CD163L1: variants seen among roughly 807,000 people sequenced by gnomAD.
CD163L1 encodes the protein scavenger receptor cysteine-rich type 1 protein M160.
In CD163L1, 124 loss-of-function variants were observed where a neutral mutation model predicts 165.4. The ratio of observed to expected loss-of-function variants is 0.75; its 90% CI spans 0.65 to 0.87. CD163L1 has a LOEUF of 0.87. Ranked by LOEUF, CD163L1 falls within the 40% of genes least tolerant of loss-of-function variation. The pLI, the probability that CD163L1 is intolerant of heterozygous loss-of-function variation, is 0.00. For synonymous variants in CD163L1, 585 were observed against 662.2 expected (o/e 0.88, Z 1.79); for missense variants, 1,525 against 1,799.9 (o/e 0.85, Z 2.76).
In CD163L1 at chr12:7,379,166, C is replaced by A. The variant is rs202152634; in HGVS notation, c.2183G>T (p.Cys728Phe). The A allele has an allele frequency of 6.2e-7, 1 of 1,613,998 alleles. No homozygotes were observed. Among genetic ancestry groups the A allele is most frequent in the African/African-American group, 1.3e-5 (1 of 74,886 alleles). ...TGCAGACCCACATTCAAGTTGCCTG[C>A]AAACAACTTCAGCAATGTTCATTCC... Reference protein sequence around the residue: ...GWGMNIAEVVCRQLECGSAIR... With the variant: ...GWGMNIAEVVFRQLECGSAIR... The change falls in exon 9 of 20, where the codon TGC becomes TTC. Residue 728 changes from cysteine to phenylalanine, a missense_variant. Physicochemically the swap from Cys to Phe is radical, Grantham distance 205. Transcript: ENST00000313599.
chr12:7,343,146 G>A (rs1946648568), downstream of CD163L1, among the ~76,000 whole-genome samples: 1 of 152,198 alleles, frequency 6.6e-6, no homozygotes, highest in African/African-American at 2.4e-5. Flanking sequence ...AAAGAAAGAG[G>A]AGGAGAGAAA....
intron 1 of CD163L1, 102 bp downstream of exon 1, chr12:7,443,995 T>C: frequency 8.7e-7 from 1 of 1,155,964 alleles, no homozygotes; most frequent in Non-Finnish European, 1.2e-6. Flanking sequence ...CTGTTTTCTT[T>C]TTACCTTACT....
In CD163L1 at chr12:7,432,740, C is replaced by G. The variant is rs200949192; in HGVS notation, c.446-4G>C. The G allele has an allele frequency of 6.3e-7, 1 of 1,586,190 alleles. No homozygotes were observed. The highest frequency in any genetic ancestry group is 8.6e-7 in the Non-Finnish European group (1 of 1,166,838). Reference sequence around the variant, plus strand: ...CTCAAACCCAGATTGGCTTCACCTACGAGAAAGACAAGCAGACATATGAAA... The same window carrying G: ...CTCAAACCCAGATTGGCTTCACCTAGGAGAAAGACAAGCAGACATATGAAA... On this transcript the variant is annotated splice_region_variant and splice_polypyrimidine_tract_variant and intron_variant, in intron 3 of 19. Coordinates refer to ENST00000313599, the MANE Select transcript of CD163L1 (RefSeq NM_174941.6). The surrounding 1 kb of genome is among the most constrained non-coding windows in gnomAD (Gnocchi z 4.2).
At chr12:7,343,586 G>C (rs1463498659), downstream of CD163L1, among the ~76,000 whole-genome samples, 1 of 152,116 alleles carries the variant, frequency 6.6e-6, no homozygotes, top group Non-Finnish European at 1.5e-5. Context: ...AGAGAGAGCA[G>C]GGAGGTGCCA....
intron 14 of CD163L1, among the ~76,000 whole-genome samples, chr12:7,371,400 A>G (rs1947143608): frequency 6.6e-6 from 1 of 152,182 alleles, no homozygotes; most frequent in African/African-American, 2.4e-5. Flanking sequence ...TCCATATACT[A>G]TTAAAGATCA....
At chr12:7,323,426 T>A in the CD163L1 span, 6 of 1,609,578 alleles carry the variant, frequency 3.7e-6, no homozygotes, top group Admixed American at 3.3e-5. Context: ...GAAAAGAAAA[T>A]TTTAAGACCA....
In CD163L1 at chr12:7,398,199, G is replaced by A. The variant is rs1947818070; in HGVS notation, c.1729+65C>T. 6.8e-7 allele frequency: 1 copy of A among 1,465,848 alleles called. No homozygotes were observed. Among genetic ancestry groups the A allele is most frequent in the Non-Finnish European group, 9.3e-7 (1 of 1,073,158 alleles). The allele number at this position is 1,465,848 out of a possible 1,614,324, so 90.8% of individuals were successfully genotyped here. A position where few individuals can be genotyped will look rare whatever the true frequency, so the allele number is the denominator to read the frequency against. On this transcript the variant is annotated intron_variant, in intron 7 of 19. Coordinates refer to ENST00000313599, the MANE Select transcript of CD163L1 (RefSeq NM_174941.6). This position sits in a 1 kb window ranked among gnomAD's most constrained non-coding sequence, Gnocchi z 4.5. ...ACATGTAAGCCAGTTTATAGACCCA[G>A]AAGCCCTTCCTATGAGGAATACTAT...
rs1371012919 is a variant in CD163L1 at position 7,376,014 on chromosome 12, G to T, written c.2372C>A (p.Ala791Asp). The T allele has an allele frequency of 6.2e-7, 1 of 1,609,850 alleles. No homozygotes were observed. Among genetic ancestry groups the T allele is most frequent in the Non-Finnish European group, 8.5e-7 (1 of 1,178,192 alleles). The change falls in exon 10 of 20, where the codon GCC (alanine) becomes GAC (aspartate). Residue 791 changes from alanine (A) to aspartate (D), a missense_variant and splice_region_variant. Transcript: ENST00000313599. ...TCCAACCAGCCTGGGCTGCCTGTGG[G>T]CTATAAAATAATATTTCAAAGGTTA... ...LNMEASLICS[A>D]HRQPRLVGAD...
rs1160914279 is a variant in CD163L1 at position 7,398,094 on chromosome 12, T to C, written c.1729+170A>G. ...TTGTCTACTAATTTCTTACTTTACC[T>C]GTATAAGTGGAAGAGTTCCAGGTGA... On this transcript the variant is annotated intron_variant, in intron 7 of 19. Coordinates refer to ENST00000313599, the MANE Select transcript of CD163L1 (RefSeq NM_174941.6). The surrounding 1 kb of genome is among the most constrained non-coding windows in gnomAD (Gnocchi z 4.5). 6.6e-6 allele frequency among the ~76,000 whole-genome samples: 1 copy of C among 152,210 alleles called. No individual in the cohort carries two copies. Among genetic ancestry groups the C allele is most frequent in the Non-Finnish European group, 1.5e-5 (1 of 68,036 alleles).
At chr12:7,360,683 A>G (rs147871686) in intron 18 of CD163L1, among the ~76,000 whole-genome samples, 3 of 152,164 alleles carry the variant, frequency 2.0e-5, no homozygotes, top group African/African-American at 7.2e-5. Context: ...AGATTTCTCC[A>G]TTAGTTTCTG....
Position 7,369,470 on chromosome 12 carries a change from C to A in CD163L1, c.3926G>T (p.Trp1309Leu). 6.2e-7 allele frequency: 1 copy of A among 1,614,186 alleles called. No individual in the cohort carries two copies. Among genetic ancestry groups the A allele is most frequent in the Non-Finnish European group, 8.5e-7 (1 of 1,180,042 alleles). ...TCCTTTGCACCGCATGTCATCCAAC[C>A]AGATGGTTCCAGTTCCCTGGCCAAA... ...ASFGQGTGTIWLDDMRCKGNE... is the reference protein window; with the variant it reads ...ASFGQGTGTILLDDMRCKGNE... The change falls in exon 15 of 20, where the codon TGG becomes TTG. Residue 1309 changes from tryptophan (W) to leucine (L), a missense_variant. By Grantham distance (61) the Trp-to-Leu change is moderately conservative. Transcript: ENST00000313599. This position sits in a 1 kb window ranked among gnomAD's most constrained non-coding sequence, Gnocchi z 4.9.
chr12:7,320,630 T>G, the CD163L1 span: 1 of 1,028,566 alleles, frequency 9.7e-7, no homozygotes, highest in Non-Finnish European at 1.5e-6. Context: ...GATGGGCACA[T>G]ATTAATGGAA....
At chr12:7,417,099 T>C (rs1948258163) in intron 4 of CD163L1, among the ~76,000 whole-genome samples, 3 of 152,114 alleles carry the variant, frequency 2.0e-5, no homozygotes, top group Non-Finnish European at 2.9e-5. Context: ...CCTTGAGCAG[T>C]GGTTTGTAGT....
intron 8 of CD163L1, among the ~76,000 whole-genome samples, chr12:7,389,561 A>G (rs1363291458): frequency 6.6e-6 from 1 of 152,094 alleles, no homozygotes; most frequent in Non-Finnish European, 1.5e-5. Context: ...TGAATGTTTA[A>G]AAAAAACAGA....
rs78704183 is a variant in CD163L1 at position 7,434,255 on chromosome 12, T to G, written c.125-561A>C. Among the ~76,000 whole-genome samples, 1,465 of 152,258 alleles carry G rather than the reference T, an allele frequency of 9.6e-3. 27 individuals are homozygous for G. Among genetic ancestry groups the G allele is most frequent in the African/African-American group, 0.033 (1,359 of 41,558 alleles). On this transcript the variant is annotated intron_variant, in intron 2 of 19. Transcript: ENST00000313599. ...AGGAGAAGACCTAGTCGTCCATGAT[T>G]GTAATATGCTAGTCCACCTTCTCTA...
At chr12:7,341,275 G>A in the CD163L1 span, among the ~76,000 whole-genome samples, 1 of 152,108 alleles carries the variant, frequency 6.6e-6, no homozygotes, top group Admixed American at 6.5e-5. Context: ...GACATTTGAC[G>A]ACTTTCAGAG....
rs570961356 is a variant in CD163L1 at position 7,370,866 on chromosome 12, G to A, written c.3731-1201C>T. Among the ~76,000 whole-genome samples the A allele has an allele frequency of 3.4e-4, 52 of 152,262 alleles. 1 individual carries two copies. The Middle Eastern group carries it at 0.02, about 60-fold the overall frequency. On this transcript the variant is annotated intron_variant, in intron 14 of 19. Coordinates refer to ENST00000313599, the MANE Select transcript of CD163L1 (RefSeq NM_174941.6). ...TGGCCTATATAATAATAAATTCAGA[G>A]TATGGTTTTTAATCCTACTTCTTTG...
the CD163L1 span, chr12:7,324,452 C>T: frequency 4.3e-6 from 7 of 1,613,920 alleles, no homozygotes; most frequent in Non-Finnish European, 5.9e-6. Flanking sequence ...GGAGGGAGAT[C>T]TCTAACTTGG....
rs1947831473 is a variant in CD163L1, at chr12:7,398,574, A to C, written c.1419T>G (p.Asp473Glu). 6.4e-7 allele frequency: 1 copy of C among 1,555,694 alleles called. No homozygotes were observed. The highest frequency in any genetic ancestry group is 1.4e-5 in the African/African-American group (1 of 72,608). The change falls in exon 7 of 20, where the codon GAT (aspartate) becomes GAG (glutamate). Residue 473 changes from aspartate (D) to glutamate (E), a missense_variant. Transcript: ENST00000313599. The surrounding 1 kb of genome is among the most constrained non-coding windows in gnomAD (Gnocchi z 4.5). ...GAGCCCCGACAAGCCTTAGGTCCAG[A>C]TCTGCCTTATCTGCAAGCAAGACAA... is the stretch of plus-strand genomic sequence containing the variant. ...DAGVICSDKA[D>E]LDLRLVGAHS...
Sources: gnomAD v4.1 joint callset for allele counts (sites outside exome capture counted in the v4.1 genomes callset) on GRCh38, gnomAD v4.1.1 for gene constraint, Gnocchi (gnomAD v3.1) non-coding constraint, MANE v1.5 for transcripts, NCBI Gene and HGNC (gene_info 2026-07-23, HGNC 2026-07-21) for gene names.